Variants in MAD1L1 observed in about 807,000 individuals in gnomAD.
MAD1L1 encodes the protein mitotic arrest deficient 1 like 1.
Under a neutral mutation model 96.9 loss-of-function variants are expected in MAD1L1, and 95 were observed. The ratio of observed to expected loss-of-function variants is 0.98; its 90% confidence interval spans 0.83 to 1.16. The LOEUF is 1.16. Among genes scored for constraint, MAD1L1 ranks in the 50% most tolerant of loss-of-function variants. The probability of loss-of-function intolerance (pLI) is 0.00; values close to 1 mark genes in which losing one functional copy is unlikely to be tolerated. For synonymous variants in MAD1L1, 473 were observed against 396.6 expected (o/e 1.19, Z -2.29); for missense variants, 1,007 against 954.4 (o/e 1.06, Z -0.73).
At chr7:2,063,253 A>G (rs534115731) in intron 12 of MAD1L1, among the ~76,000 whole-genome samples, 19 of 152,324 alleles carry the variant, frequency 1.2e-4, no homozygotes, top group Admixed American at 4.6e-4. Context: ...TCACTGCGCC[A>G]AAATCTTGCT....
chr7:2,008,772 GGGGGGGAAGGAACA>G (rs1458845646), intron 13 of MAD1L1, among the ~76,000 whole-genome samples: 285 of 44,076 alleles, frequency 6.5e-3, no homozygotes, highest in Non-Finnish European at 0.012. Flanking sequence ...AGGAAGCTCA[GGGGGGGAAGGAACA>G]CGGCTCCATC....
At chr7:1,996,871 T>C (rs1781584574) in intron 14 of MAD1L1, among the ~76,000 whole-genome samples, 1 of 94,654 alleles carries the variant, frequency 1.1e-5, no homozygotes, top group South Asian at 3.3e-4. Flanking sequence ...ATTTTAGAGC[T>C]GAGAGCGGCG....
At chr7:2,226,956 C>T (rs1409866091) in intron 3 of MAD1L1, among the ~76,000 whole-genome samples, 2 of 151,088 alleles carry the variant, frequency 1.3e-5, no homozygotes, top group Non-Finnish European at 2.9e-5. Flanking sequence ...CACTGCATTC[C>T]AGCCTGGATG....
intron 18 of MAD1L1, among the ~76,000 whole-genome samples, chr7:1,896,580 G>C (rs571424607): frequency 6.6e-6 from 1 of 152,318 alleles, no homozygotes; most frequent in South Asian, 2.1e-4. Context: ...ACATGCCTAG[G>C]CATGTGCCTA....
At chr7:1,852,096 G>C (rs1028789726) in intron 18 of MAD1L1, among the ~76,000 whole-genome samples, 2 of 152,220 alleles carry the variant, frequency 1.3e-5, no homozygotes, top group Non-Finnish European at 2.9e-5. Flanking sequence ...CCTGAGGCCC[G>C]AGACCCAGGG....
At chr7:1,886,990 G>A (rs550041328) in intron 18 of MAD1L1, among the ~76,000 whole-genome samples, 83 of 152,394 alleles carry the variant, frequency 5.4e-4, no homozygotes, top group Non-Finnish European at 6.2e-4. Flanking sequence ...GTCAGTGACC[G>A]CATGGCAGCG....
In MAD1L1 at chr7:2,149,075, G is replaced by A; in HGVS notation, c.1073+77C>T. Reference sequence around the variant, plus strand: ...AGGACAGCCATCCCCCAAGAGCCAGGGGGCACACACTCTCACTCACCCCTA... The same window carrying A: ...AGGACAGCCATCCCCCAAGAGCCAGAGGGCACACACTCTCACTCACCCCTA... On this transcript the variant is annotated intron_variant, in intron 11 of 18. Transcript: ENST00000265854. 4 of 1,305,550 alleles carry A rather than the reference G, an allele frequency of 3.1e-6. No individual in the cohort carries two copies. The South Asian group carries it at 4.9e-5, about 16-fold the overall frequency. 80.9% of individuals were successfully genotyped at this position (1,305,550 alleles called of 1,614,324 possible).
Position 2,131,988 on chromosome 7 carries a change from C to T in MAD1L1, c.1073+17164G>A, listed in dbSNP as rs573333555. On this transcript the variant is annotated intron_variant, in intron 11 of 18. Coordinates refer to ENST00000265854, the MANE Select transcript of MAD1L1 (RefSeq NM_001013836.2). The stretch of plus-strand genomic sequence containing the variant: ...GCTGGTGAAAGATGTGCCTCGTAGA[C>T]CCGCCGCGGCGCTGCCTCCTGACGC... 9.9e-5 allele frequency among the ~76,000 whole-genome samples: 15 copies of T among 152,274 alleles called. No homozygotes were observed. The South Asian group carries it at 2.9e-3, about 29-fold the overall frequency.
intron 18 of MAD1L1, among the ~76,000 whole-genome samples, chr7:1,835,015 A>C (rs1467975163): frequency 6.6e-6 from 1 of 152,198 alleles, no homozygotes; most frequent in African/African-American, 2.4e-5. Context: ...AACCCTAGAA[A>C]ATCAAAGTAA....
intron 16 of MAD1L1, among the ~76,000 whole-genome samples, chr7:1,938,907 A>G (rs1778777944): frequency 1.4e-5 from 2 of 141,122 alleles, no homozygotes; most frequent in Admixed American, 7.0e-5. Flanking sequence ...AGGCGCGCAC[A>G]CACACACACA....
chr7:2,191,770 C>T (rs913298109), intron 10 of MAD1L1, among the ~76,000 whole-genome samples: 1 of 151,812 alleles, frequency 6.6e-6, no homozygotes, highest in Non-Finnish European at 1.5e-5. Context: ...CGGTGTCTCA[C>T]GCCTGTAATC....
At chr7:1,922,688 G>T (rs1392540643) in intron 17 of MAD1L1, among the ~76,000 whole-genome samples, 1 of 152,240 alleles carries the variant, frequency 6.6e-6, no homozygotes, top group Non-Finnish European at 1.5e-5. Flanking sequence ...GGCGGTGAGA[G>T]GGAAGGCCTC....
intron 12 of MAD1L1, among the ~76,000 whole-genome samples, chr7:2,021,886 G>A (rs116414627): frequency 0.016 from 2,510 of 152,186 alleles, 87 homozygotes; most frequent in African/African-American, 0.057. Context: ...CCCATGAGAG[G>A]TCAGAAACTC....
intron 12 of MAD1L1, among the ~76,000 whole-genome samples, chr7:2,025,052 G>A (rs1782941379): frequency 6.6e-6 from 1 of 152,222 alleles, no homozygotes; most frequent in Admixed American, 6.5e-5. Context: ...AAAATAATGT[G>A]TCAGTACTGG....
chr7:1,950,329 G>A (rs1285959513), intron 16 of MAD1L1, among the ~76,000 whole-genome samples: 1 of 146,576 alleles, frequency 6.8e-6, no homozygotes, highest in East Asian at 2.1e-4. Flanking sequence ...CGTCCGTCCA[G>A]TGGCTCTGCC....
At chr7:2,186,810 C>G (rs1261402688) in intron 10 of MAD1L1, among the ~76,000 whole-genome samples, 1 of 142,364 alleles carries the variant, frequency 7.0e-6, no homozygotes, top group East Asian at 2.0e-4. Flanking sequence ...TTTTTTTTCT[C>G]TGAGACGGAC....
chr7:1,827,693 C>CCTG (rs1460985265), intron 18 of MAD1L1, among the ~76,000 whole-genome samples: 8 of 96,554 alleles, frequency 8.3e-5, no homozygotes, highest in Non-Finnish European at 1.7e-4. Context: ...CCTCCTGAGC[C>CCTG]CGTCCCGGGT....
At chr7:2,226,295 G>T (rs757141274) in intron 3 of MAD1L1, among the ~76,000 whole-genome samples, 9 of 152,216 alleles carry the variant, frequency 5.9e-5, no homozygotes, top group Non-Finnish European at 1.0e-4. Context: ...GGAGGCAGTA[G>T]GAAGGTGAGT....
In MAD1L1 at chr7:1,968,598, G is replaced by A. The variant is rs564493536; in HGVS notation, c.1506-10879C>T. 6.7e-5 allele frequency among the ~76,000 whole-genome samples: 10 copies of A among 150,032 alleles called. No homozygotes were observed. The highest frequency in any genetic ancestry group is 2.1e-4 in the South Asian group (1 of 4,708). On this transcript the variant is annotated intron_variant, in intron 15 of 18. Transcript: ENST00000265854. This position sits in a 1 kb window ranked among gnomAD's most constrained non-coding sequence, Gnocchi z 5.6. ...AGGTCCACTGTCCACGCCTCAGTCC[G>A]GCAGTCAGGTCCGCTGTCAACGCCT...
Sources: gnomAD v4.1 joint callset for allele counts (sites outside exome capture counted in the v4.1 genomes callset) on GRCh38, gnomAD v4.1.1 for gene constraint, Gnocchi (gnomAD v3.1) non-coding constraint, MANE v1.5 for transcripts, NCBI Gene and HGNC (gene_info 2026-07-23, HGNC 2026-07-21) for gene names.